Variants in SDR42E2 observed in about 807,000 individuals in gnomAD.
The protein encoded by SDR42E2 is putative short-chain dehydrogenase/reductase family 42E member 2.
A neutral mutation model predicts 10.5 loss-of-function variants in SDR42E2; 20 were observed. The ratio of observed to expected loss-of-function variants is 1.90; its 90% CI spans 1.34 to 2.77. The LOEUF is 2.77. Among genes scored for constraint, SDR42E2 ranks in the 30% most tolerant of loss-of-function variants. The pLI, the probability that SDR42E2 is intolerant of heterozygous loss-of-function variation, is 0.00. For synonymous variants in SDR42E2, 72 were observed against 39.2 expected (o/e 1.84, Z -3.12); for missense variants, 162 against 104.2 (o/e 1.55, Z -2.42).
At chr16:22,171,010 G>C (rs534184607) in intron 6 of SDR42E2, 59 bp downstream of exon 6, 17 of 700,308 alleles carry the variant, frequency 2.4e-5, no homozygotes, top group Non-Finnish European at 3.9e-5. Flanking sequence ...ACAGCTCAGA[G>C]GGGAGGGATG....
chr16:22,179,173 G>A (rs545320146), intron 8 of SDR42E2, among the ~76,000 whole-genome samples: 23 of 152,156 alleles, frequency 1.5e-4, no homozygotes, highest in Admixed American at 8.5e-4. Flanking sequence ...ATTTTTTGTA[G>A]AGATAGGGTC....
chr16:22,179,292 A>AT (rs2046672696), intron 8 of SDR42E2, among the ~76,000 whole-genome samples: 2 of 151,716 alleles, frequency 1.3e-5, no homozygotes, highest in Admixed American at 6.6e-5. Context: ...CCCAGCAATC[A>AT]TTTTTTTTCT....
intron 11 of SDR42E2, among the ~76,000 whole-genome samples, chr16:22,186,344 T>C (rs1294778587): frequency 6.6e-6 from 1 of 152,090 alleles, no homozygotes; most frequent in Non-Finnish European, 1.5e-5. Context: ...GTAGCTGGGA[T>C]TACAGGCATG....
chr16:22,171,133 T>A (rs1249430863), intron 6 of SDR42E2, among the ~76,000 whole-genome samples, 182 bp downstream of exon 6: 1 of 152,232 alleles, frequency 6.6e-6, no homozygotes, highest in Non-Finnish European at 1.5e-5. Context: ...TGCAGGGGCA[T>A]TGAAATCAGA....
At position 22,181,131 on chromosome 16, in the gene SDR42E2, C is replaced by T. The variant is rs557149215; in HGVS notation, c.673-388C>T. 9.2e-5 allele frequency among the ~76,000 whole-genome samples: 14 copies of T among 152,294 alleles called. No individual in the cohort carries two copies. In the East Asian group the frequency reaches 2.7e-3, roughly 29 times the overall value. On this transcript the variant is annotated intron_variant, in intron 8 of 12. Transcript: ENST00000602312. ...GTCCAGGTGAGAGGAGGGTGGCTGTCAGAGTAGCGAGAAGCTATCAGATTC... is the reference window on the plus strand; with the variant it reads ...GTCCAGGTGAGAGGAGGGTGGCTGTTAGAGTAGCGAGAAGCTATCAGATTC...
intron 7 of SDR42E2, among the ~76,000 whole-genome samples, chr16:22,175,457 C>T (rs1312259794): frequency 6.6e-6 from 1 of 151,716 alleles, no homozygotes; most frequent in East Asian, 1.9e-4. Flanking sequence ...CGTTTCTTCT[C>T]TCACCATCCT....
At position 22,191,606 on chromosome 16, in the gene SDR42E2, T is replaced by G. The variant is rs749754208; in HGVS notation, c.*1213T>G. On this transcript the variant is annotated 3_prime_UTR_variant, in exon 13 of 13. Coordinates refer to ENST00000602312, the MANE Select transcript of SDR42E2 (RefSeq NM_001394319.2). The stretch of plus-strand genomic sequence containing the variant: ...GACTCAAGCTTCTGCCGAGCCCGAC[T>G]TGGCCTTTTTGGGTTCCTGTCTGAG... The G allele has an allele frequency of 6.6e-6, 1 of 152,092 alleles. No homozygotes were observed. The highest frequency in any genetic ancestry group is 1.9e-4 in the East Asian group (1 of 5,186). The allele number at this position is 152,092 out of a possible 1,614,324, so 9.4% of individuals were successfully genotyped here.
chr16:22,173,949 G>A (rs1250514742), intron 7 of SDR42E2, among the ~76,000 whole-genome samples: 13 of 128,838 alleles, frequency 1.0e-4, no homozygotes, highest in South Asian at 2.6e-4. Context: ...AATTCAGAAC[G>A]TAAAAAGAAT....
At chr16:22,169,241 C>T (rs2046572429) in intron 4 of SDR42E2, among the ~76,000 whole-genome samples, 1 of 152,144 alleles carries the variant, frequency 6.6e-6, no homozygotes, top group Non-Finnish European at 1.5e-5. Flanking sequence ...TGCTGAGGGA[C>T]AGATGTGTGG....
At chr16:22,185,670 T>A (rs1272978241) in intron 11 of SDR42E2, among the ~76,000 whole-genome samples, 2 of 151,880 alleles carry the variant, frequency 1.3e-5, no homozygotes, top group African/African-American at 4.8e-5. Flanking sequence ...TGCAGTGGCA[T>A]GATCATAACT....
chr16:22,171,031 G>T lies in SDR42E2; in HGVS notation c.513+80G>T. The T allele has an allele frequency of 5.7e-6, 4 of 696,372 alleles. No homozygotes were observed. The Admixed American group carries it at 6.0e-5, about 10-fold the overall frequency. The allele number at this position is 696,372 out of a possible 1,614,324, so 43.1% of individuals were successfully genotyped here. Reference sequence around the variant, plus strand: ...CAGAGGGGAGGGATGGGTGGAAGCAGGGTTGGTTTCACAACTCAGGATACG... The same window carrying T: ...CAGAGGGGAGGGATGGGTGGAAGCATGGTTGGTTTCACAACTCAGGATACG... On this transcript the variant is annotated intron_variant, in intron 6 of 12. Coordinates refer to ENST00000602312, the MANE Select transcript of SDR42E2 (RefSeq NM_001394319.2).
intron 12 of SDR42E2, among the ~76,000 whole-genome samples, chr16:22,189,589 G>C (rs1450889209): frequency 6.6e-6 from 1 of 152,226 alleles, no homozygotes; most frequent in Non-Finnish European, 1.5e-5. Context: ...GGGAAACACA[G>C]CTTAGACCCT....
chr16:22,183,106 A>G (rs1598143976), intron 10 of SDR42E2, among the ~76,000 whole-genome samples: 1 of 151,330 alleles, frequency 6.6e-6, no homozygotes, highest in East Asian at 2.0e-4. Flanking sequence ...GTTCCCTTCC[A>G]CCCTGCTTCC....
At chr16:22,178,948 G>A (rs571252276) in intron 8 of SDR42E2, among the ~76,000 whole-genome samples, 15 of 152,178 alleles carry the variant, frequency 9.9e-5, no homozygotes, top group African/African-American at 3.6e-4. Context: ...AGTTATTGGC[G>A]GGGAGAAGTT....
chr16:22,167,172 T>G (rs1373792131), intron 4 of SDR42E2, among the ~76,000 whole-genome samples, 173 bp downstream of exon 4: 2,084 of 87,604 alleles, frequency 0.024, 249 homozygotes, highest in African/African-American at 0.044. Context: ...GCCATTTTTT[T>G]TTTTTTTTTT....
At chr16:22,177,886 C>A (rs909983871) in intron 7 of SDR42E2, among the ~76,000 whole-genome samples, 1 of 113,832 alleles carries the variant, frequency 8.8e-6, no homozygotes, top group Admixed American at 1.2e-4. Flanking sequence ...ATTGGTCATC[C>A]TTACATTCTT....
At chr16:22,182,084 G>A (rs547458549) in intron 9 of SDR42E2, 128 bp from the exon 10 acceptor site, 5 of 424,026 alleles carry the variant, frequency 1.2e-5, no homozygotes, top group African/African-American at 2.0e-5. Flanking sequence ...AATAGTTCAC[G>A]TGTGTCCTCA....
At chr16:22,168,734 A>G (rs2046567637) in intron 4 of SDR42E2, among the ~76,000 whole-genome samples, 1 of 151,834 alleles carries the variant, frequency 6.6e-6, no homozygotes, top group African/African-American at 2.4e-5. Flanking sequence ...TTAGCCAGGC[A>G]TGGTGGTGCA....
chr16:22,178,271 C>T (rs1198013818), intron 8 of SDR42E2, 59 bp downstream of exon 8: 6 of 681,412 alleles, frequency 8.8e-6, no homozygotes, highest in Non-Finnish European at 1.6e-5. Flanking sequence ...GAGGTGTACA[C>T]TGGTCGGGCC....
Sources: allele counts gnomAD v4.1 joint callset (sites outside exome capture counted in the v4.1 genomes callset), GRCh38; gene constraint gnomAD v4.1.1; transcripts MANE v1.5; gene names NCBI Gene and HGNC (gene_info 2026-07-23, HGNC 2026-07-21).